Variants in SLC8A1 observed in about 807,000 individuals in gnomAD.
SLC8A1 encodes solute carrier family 8 member A1, also known as sodium/calcium exchanger 1.
Under a neutral mutation model 68.3 loss-of-function variants are expected in SLC8A1, and 18 were observed. The observed-to-expected ratio is 0.26, with a 90% CI of 0.18 to 0.39. The LOEUF (loss-of-function observed/expected upper bound fraction) is 0.39. Among genes scored for constraint, SLC8A1 ranks in the 10% least tolerant of loss-of-function variants. The pLI, the probability that SLC8A1 is intolerant of heterozygous loss-of-function variation, is 1.00. For missense variants in SLC8A1, 985 were observed against 1,156.7 expected (o/e 0.85, Z 2.15); for synonymous variants, 475 against 415.5 (o/e 1.14, Z -1.74).
At chr2:40,469,489 G>A (rs1261195217) in intron 1 of SLC8A1, among the ~76,000 whole-genome samples, 1 of 152,026 alleles carries the variant, frequency 6.6e-6, no homozygotes, top group Non-Finnish European at 1.5e-5. Flanking sequence ...AATTAAACCT[G>A]TTTTCTTCAT....
chr2:40,311,341 T>A (rs2073625928), intron 2 of SLC8A1, among the ~76,000 whole-genome samples: 1 of 152,056 alleles, frequency 6.6e-6, no homozygotes, highest in Non-Finnish European at 1.5e-5. Flanking sequence ...TCTTCTAGCA[T>A]CATTGTATAG....
In SLC8A1 at chr2:40,420,153, G is replaced by A. The variant is rs116010436; in HGVS notation, c.1808+8320C>T. ...TATATCTAAAAATTCTATGTGCTGCGGAGGTTGGAATTCTAAGTTTTTTAT... is the reference window on the plus strand; with the variant it reads ...TATATCTAAAAATTCTATGTGCTGCAGAGGTTGGAATTCTAAGTTTTTTAT... On this transcript the variant is annotated intron_variant, in intron 2 of 7. Coordinates refer to ENST00000406785, the Ensembl canonical transcript of SLC8A1. 8.1e-3 allele frequency among the ~76,000 whole-genome samples: 1,236 copies of A among 152,168 alleles called. 9 individuals are homozygous for A. Among genetic ancestry groups the A allele is most frequent in the Non-Finnish European group, 0.013 (908 of 67,996 alleles).
At chr2:40,160,196 G>A (rs114992755) in intron 6 of SLC8A1, among the ~76,000 whole-genome samples, 4,732 of 152,264 alleles carry the variant, frequency 0.031, 100 homozygotes, top group Non-Finnish European at 0.047. Flanking sequence ...TTCTGACTCC[G>A]TGAGTTTGAA....
At chr2:40,311,689 A>C (rs939417886) in intron 2 of SLC8A1, among the ~76,000 whole-genome samples, 1 of 152,050 alleles carries the variant, frequency 6.6e-6, no homozygotes, top group Non-Finnish European at 1.5e-5. Flanking sequence ...TAGTTTCTAT[A>C]ATTTTTTGTT....
chr2:40,105,319 TAC>T (rs1449171094), exon 8 of SLC8A1: 2 of 152,202 alleles, frequency 1.3e-5, no homozygotes, highest in African/African-American at 4.8e-5. Flanking sequence ...TGTTGTTAAA[TAC>T]CTTGTCAGTT....
At chr2:40,484,167 G>A (rs1704806587) in intron 1 of SLC8A1, among the ~76,000 whole-genome samples, 1 of 152,220 alleles carries the variant, frequency 6.6e-6, no homozygotes, top group African/African-American at 2.4e-5. Context: ...CCCTTTGGGA[G>A]AAAATATTAT....
At chr2:40,356,994 A>G (rs1304376812) in intron 2 of SLC8A1, among the ~76,000 whole-genome samples, 1 of 152,324 alleles carries the variant, frequency 6.6e-6, no homozygotes, top group South Asian at 2.1e-4. Context: ...ATGAGTATTC[A>G]GAGTATAATT....
intron 4 of SLC8A1, among the ~76,000 whole-genome samples, chr2:40,167,500 CAA>C (rs2046748901): frequency 6.6e-6 from 1 of 152,104 alleles, no homozygotes; most frequent in South Asian, 2.1e-4. Flanking sequence ...AGTTGGTATG[CAA>C]CCAAAGCAGT....
At chr2:40,450,785 G>A (rs755244015) in intron 1 of SLC8A1, among the ~76,000 whole-genome samples, 135 of 152,316 alleles carry the variant, frequency 8.9e-4, no homozygotes, top group Non-Finnish European at 1.7e-3. Context: ...GGCTTCAAAA[G>A]GATACCTAGC....
intron 2 of SLC8A1, among the ~76,000 whole-genome samples, chr2:40,352,384 G>T (rs529789330): frequency 6.6e-6 from 1 of 152,214 alleles, no homozygotes; most frequent in East Asian, 1.9e-4. Context: ...GTCTCAAATG[G>T]TTACCTTATG....
intron 2 of SLC8A1, among the ~76,000 whole-genome samples, chr2:40,200,208 A>T (rs2053955908): frequency 1.5e-4 from 1 of 6,674 alleles, no homozygotes; most frequent in Non-Finnish European, 2.6e-4. Flanking sequence ...ATATATATAA[A>T]TATATATATA....
intron 2 of SLC8A1, among the ~76,000 whole-genome samples, chr2:40,310,910 T>C (rs2073551990): frequency 6.6e-6 from 1 of 152,192 alleles, no homozygotes; most frequent in Non-Finnish European, 1.5e-5. Context: ...ATTTTTATAT[T>C]AGCTTAAAAG....
At chr2:40,468,914 T>C (rs1221938744) in intron 1 of SLC8A1, among the ~76,000 whole-genome samples, 1 of 152,046 alleles carries the variant, frequency 6.6e-6, no homozygotes, top group Non-Finnish European at 1.5e-5. Context: ...CATCTCTATA[T>C]TTAAAATAAA....
intron 2 of SLC8A1, among the ~76,000 whole-genome samples, chr2:40,296,112 G>A (rs1224492507): frequency 1.3e-5 from 2 of 152,132 alleles, no homozygotes; most frequent in Admixed American, 1.3e-4. Context: ...AATAAGAAAT[G>A]GGCCTCAATT....
chr2:40,284,564 A>C (rs2149202525), intron 2 of SLC8A1, among the ~76,000 whole-genome samples: 1 of 147,274 alleles, frequency 6.8e-6, no homozygotes, highest in East Asian at 2.0e-4. Flanking sequence ...TGTTATATAT[A>C]TTGTTATATA....
intron 7 of SLC8A1, among the ~76,000 whole-genome samples, chr2:40,124,154 G>C (rs1415324603): frequency 6.6e-6 from 1 of 152,168 alleles, no homozygotes; most frequent in Non-Finnish European, 1.5e-5. Flanking sequence ...ACTCTAACTT[G>C]AAGAGAAATA....
intron 2 of SLC8A1, among the ~76,000 whole-genome samples, chr2:40,425,119 A>C (rs558236144): frequency 1.3e-4 from 20 of 151,926 alleles, no homozygotes; most frequent in African/African-American, 4.8e-4. Context: ...TGTGTCATTG[A>C]TTGAGTTTAT....
intron 2 of SLC8A1, among the ~76,000 whole-genome samples, chr2:40,353,717 C>T (rs1421032937): frequency 6.6e-6 from 1 of 152,164 alleles, no homozygotes; most frequent in Non-Finnish European, 1.5e-5. Flanking sequence ...ACTCTTTCTC[C>T]CAAAGTCATC....
intron 2 of SLC8A1, among the ~76,000 whole-genome samples, chr2:40,182,916 G>A (rs952833032): frequency 1.1e-4 from 16 of 152,116 alleles, no homozygotes; most frequent in Non-Finnish European, 2.4e-4. Flanking sequence ...ATGAAATGGA[G>A]GATTAAAGAG....
Sources: gnomAD v4.1 joint callset for allele counts (sites outside exome capture counted in the v4.1 genomes callset) on GRCh38, gnomAD v4.1.1 for gene constraint, MANE v1.5 for transcripts, NCBI Gene and HGNC (gene_info 2026-07-23, HGNC 2026-07-21) for gene names.